The following GAREM1 variants were observed in gnomAD, a reference collection of about 807,000 sequenced individuals.
GAREM1 encodes GRB2-associated and regulator of MAPK protein 1.
GAREM1 carries 26 observed loss-of-function variants against 71.3 expected under a neutral mutation model. That is an observed-to-expected ratio of 0.36 (90% confidence interval 0.27 to 0.51). The LOEUF is 0.51. GAREM1 is among the 20% of genes least tolerant of loss of function. The probability of loss-of-function intolerance (pLI) is 0.95; values close to 1 mark genes in which losing one functional copy is unlikely to be tolerated. For synonymous variants in GAREM1, 440 were observed against 433.2 expected (o/e 1.02, Z -0.20); for missense variants, 1,026 against 1,103.1 (o/e 0.93, Z 0.99).
intron 2 of GAREM1, among the ~76,000 whole-genome samples, chr18:32,351,291 A>G (rs927940869): frequency 1.3e-5 from 2 of 152,134 alleles, no homozygotes; most frequent in African/African-American, 4.8e-5. Context: ...TGGCTCTCCA[A>G]TGGTTTTAAA....
intron 2 of GAREM1, among the ~76,000 whole-genome samples, chr18:32,322,403 T>C (rs762308941): frequency 6.6e-6 from 1 of 152,204 alleles, no homozygotes; most frequent in Non-Finnish European, 1.5e-5. Context: ...GAATGCACCA[T>C]CTGGAATACC....
intron 1 of GAREM1, among the ~76,000 whole-genome samples, chr18:32,399,489 T>A (rs2048290480): frequency 6.6e-6 from 1 of 152,152 alleles, no homozygotes; most frequent in Non-Finnish European, 1.5e-5. Flanking sequence ...GGATACAAAA[T>A]CAATGTGCAA....
intron 3 of GAREM1, among the ~76,000 whole-genome samples, chr18:32,293,301 G>A (rs2047105895): frequency 6.6e-6 from 1 of 152,126 alleles, no homozygotes; most frequent in Non-Finnish European, 1.5e-5. Flanking sequence ...GGTACAAGGT[G>A]TGCTTGGAAC....
At chr18:32,469,373 C>T (rs1211380290) in intron 1 of GAREM1, among the ~76,000 whole-genome samples, 2 of 152,144 alleles carry the variant, frequency 1.3e-5, no homozygotes, top group Non-Finnish European at 2.9e-5. Flanking sequence ...CACAGCTGCC[C>T]CACAGCAGGG....
chr18:32,383,165 T>C (rs1217518751), intron 2 of GAREM1, among the ~76,000 whole-genome samples: 1 of 152,224 alleles, frequency 6.6e-6, no homozygotes, highest in Non-Finnish European at 1.5e-5. Context: ...AGTTCTAACA[T>C]GTTGGAGGCC....
At chr18:32,450,984 TA>T (rs150211888) in intron 1 of GAREM1, among the ~76,000 whole-genome samples, 137 of 150,070 alleles carry the variant, frequency 9.1e-4, no homozygotes, top group African/African-American at 2.6e-3. Context: ...TCATTTCTAT[TA>T]AAAAAAAAAT....
At chr18:32,281,586 T>C (rs1342165715) in intron 4 of GAREM1, among the ~76,000 whole-genome samples, 1 of 152,228 alleles carries the variant, frequency 6.6e-6, no homozygotes, top group Non-Finnish European at 1.5e-5. Context: ...AAACCAGTGG[T>C]TCACAAAAGA....
At chr18:32,457,225 G>GT (rs1568018982) in intron 1 of GAREM1, among the ~76,000 whole-genome samples, 13 of 71,712 alleles carry the variant, frequency 1.8e-4, no homozygotes, top group African/African-American at 3.4e-4. Context: ...GAGAGAGAGA[G>GT]AGTGTGTGTG....
intron 1 of GAREM1, among the ~76,000 whole-genome samples, chr18:32,468,618 T>C (rs974289608): frequency 3.3e-5 from 5 of 152,194 alleles, no homozygotes; most frequent in African/African-American, 1.2e-4. Context: ...TTTTTATGAA[T>C]GGCAGGGATA....
At chr18:32,296,411 A>G (rs1614242) in intron 3 of GAREM1, among the ~76,000 whole-genome samples, 63,268 of 152,086 alleles carry the variant, frequency 0.42, 15,997 homozygotes, top group African/African-American at 0.72. Context: ...GTACAATACT[A>G]TTACATAAAG....
intron 1 of GAREM1, among the ~76,000 whole-genome samples, chr18:32,393,550 A>G (rs2144660376): frequency 6.6e-6 from 1 of 152,316 alleles, no homozygotes; most frequent in Admixed American, 6.5e-5. Flanking sequence ...TTATGATTTA[A>G]TCACCACAAT....
At chr18:32,352,317 C>T (rs1303015705) in intron 2 of GAREM1, among the ~76,000 whole-genome samples, 1 of 152,222 alleles carries the variant, frequency 6.6e-6, no homozygotes, top group African/African-American at 2.4e-5. Context: ...ACTCAGAACA[C>T]TGGGGAAAAT....
chr18:32,451,892 A>G (rs1409711501), intron 1 of GAREM1, among the ~76,000 whole-genome samples: 2 of 152,236 alleles, frequency 1.3e-5, no homozygotes, highest in Non-Finnish European at 1.5e-5. Context: ...GATCTTCAAC[A>G]TGATGCAGTG....
At chr18:32,390,546 T>A (rs2048186030) in intron 2 of GAREM1, among the ~76,000 whole-genome samples, 1 of 152,224 alleles carries the variant, frequency 6.6e-6, no homozygotes, top group Non-Finnish European at 1.5e-5. Context: ...AGTGCCCATG[T>A]TTCCTCTTAA....
At chr18:32,376,385 T>C (rs990699266) in intron 2 of GAREM1, among the ~76,000 whole-genome samples, 1 of 152,250 alleles carries the variant, frequency 6.6e-6, no homozygotes, top group Non-Finnish European at 1.5e-5. Context: ...ATTATTGACG[T>C]TTACATCTCG....
chr18:32,414,309 TCAGA>T (rs1303278168), intron 1 of GAREM1, among the ~76,000 whole-genome samples: 2 of 152,082 alleles, frequency 1.3e-5, no homozygotes, highest in African/African-American at 4.8e-5. Flanking sequence ...CTAAACTTTC[TCAGA>T]CAGACAGATA....
intron 1 of GAREM1, among the ~76,000 whole-genome samples, chr18:32,456,200 A>G (rs1162784972): frequency 1.3e-5 from 2 of 152,132 alleles, no homozygotes; most frequent in African/African-American, 4.8e-5. Flanking sequence ...AATGTAAATA[A>G]GAGAAAATAT....
intron 1 of GAREM1, among the ~76,000 whole-genome samples, chr18:32,397,009 C>A (rs2048264056): frequency 6.6e-6 from 1 of 152,164 alleles, no homozygotes; most frequent in African/African-American, 2.4e-5. Flanking sequence ...ATTCAACATT[C>A]TTAAAGAAAA....
intron 4 of GAREM1, among the ~76,000 whole-genome samples, chr18:32,277,570 G>A (rs1020298771): frequency 1.3e-5 from 2 of 152,190 alleles, no homozygotes; most frequent in East Asian, 3.8e-4. Context: ...AAAGTCAAGT[G>A]CAACTCCAAT....
Sources: gnomAD v4.1 joint callset for allele counts (sites outside exome capture counted in the v4.1 genomes callset) on GRCh38, gnomAD v4.1.1 for gene constraint, MANE v1.5 for transcripts, NCBI Gene and HGNC (gene_info 2026-07-23, HGNC 2026-07-21) for gene names.